CABLES2: variants seen among roughly 807,000 people sequenced by gnomAD.
CABLES2 encodes the protein Cdk5 and Abl enzyme substrate 2.
CABLES2 carries 35 observed loss-of-function variants against 44.8 expected under a neutral mutation model. The ratio of observed to expected loss-of-function variants is 0.78; its 90% CI spans 0.60 to 1.04. The LOEUF (loss-of-function observed/expected upper bound fraction) is 1.04, where lower values mean the gene tolerates loss of function less well. CABLES2 is among the 50% of genes least tolerant of loss of function. CABLES2 has a pLI of 0.00. For missense variants in CABLES2, 566 were observed against 615.7 expected (o/e 0.92, Z 0.85); for synonymous variants, 282 against 281.1 (o/e 1.00, Z -0.03).
chr20:62,406,810 G>T, intron 1 of CABLES2, 105 bp downstream of exon 1: 1 of 609,836 alleles, frequency 1.6e-6, no homozygotes, highest in Non-Finnish European at 2.2e-6. Context: ...GTCCTGGGCT[G>T]ATGAGGCCCC....
rs771668338 is a variant in CABLES2, at chr20:62,393,039, C to T, written c.881-16G>A. 6.2e-7 allele frequency: 1 copy of T among 1,602,412 alleles called. No homozygotes were observed. Among genetic ancestry groups the T allele is most frequent in the Non-Finnish European group, 8.5e-7 (1 of 1,169,770 alleles). On this transcript the variant is annotated splice_polypyrimidine_tract_variant and intron_variant, in intron 6 of 9. Coordinates refer to ENST00000279101, the MANE Select transcript of CABLES2 (RefSeq NM_031215.3). The stretch of plus-strand genomic sequence containing the variant: ...ACGTCACTCCCTGTAAGAGAGGCAA[C>T]CCCTGACCCACCAGGAGTCTTGAGC...
At position 62,390,371 on chromosome 20, in the gene CABLES2, C is replaced by T. The variant is rs1422075409; in HGVS notation, c.*600G>A. 6.5e-6 allele frequency: 1 copy of T among 153,920 alleles called. No individual in the cohort carries two copies. 9.5% of individuals were successfully genotyped at this position (153,920 alleles called of 1,614,324 possible). On this transcript the variant is annotated 3_prime_UTR_variant, in exon 10 of 10. Coordinates refer to ENST00000279101, the MANE Select transcript of CABLES2 (RefSeq NM_031215.3). ...CTGGCCTAACTGGACACCAAAAGCT[C>T]CACTTGGGATGCAGTGAGGTGGGCG...
rs1380388474 is a variant in CABLES2 at position 62,390,779 on chromosome 20, T to G, written c.*192A>C. ...AATCCCCTCGGAGGGACGGTGCACT[T>G]GGGGATGAAAGCGACGTCTCTTTCC... On this transcript the variant is annotated 3_prime_UTR_variant, in exon 10 of 10. Transcript: ENST00000279101. 3.3e-6 allele frequency: 2 copies of G among 610,934 alleles called. No homozygotes were observed. The highest frequency in any genetic ancestry group is 5.7e-6 in the Non-Finnish European group (2 of 349,026). 37.8% of individuals were successfully genotyped at this position (610,934 alleles called of 1,614,324 possible).
At chr20:62,405,355 G>C (rs556908021) in intron 1 of CABLES2, 4 of 152,492 alleles carry the variant, frequency 2.6e-5, no homozygotes, top group African/African-American at 9.6e-5. Flanking sequence ...GAAGGAGCTG[G>C]CCATGCCAAA....
Position 62,396,995 on chromosome 20 carries a change from C to T in CABLES2, c.363-403G>A, listed in dbSNP as rs1291817392. Among the ~76,000 whole-genome samples, 1 of 152,148 alleles carries T rather than the reference C, an allele frequency of 6.6e-6. No individual in the cohort carries two copies. Among genetic ancestry groups the T allele is most frequent in the Non-Finnish European group, 1.5e-5 (1 of 68,022 alleles). The stretch of plus-strand genomic sequence containing the variant: ...TGCCTGAGACTGGTGCTGCCTGCCC[C>T]TCCCTGAAGCACAGCTGGGCATTGG... On this transcript the variant is annotated intron_variant, in intron 1 of 9. Transcript: ENST00000279101. This position sits in a 1 kb window ranked among gnomAD's most constrained non-coding sequence, Gnocchi z 5.7.
chr20:62,398,033 AGTGATGGTGATGGTG>A (rs1284691451), intron 1 of CABLES2, among the ~76,000 whole-genome samples: 4 of 53,014 alleles, frequency 7.5e-5, no homozygotes, highest in African/African-American at 2.9e-4. Context: ...TGGTGGTGAC[AGTGATGGTGATGGTG>A]GTGATGGCGA....
Position 62,394,192 on chromosome 20 carries a change from C to CAA in CABLES2, c.677_678dup (p.Glu227LeufsTer3). On this transcript the variant is annotated frameshift_variant, in exon 5 of 10. Transcript: ENST00000279101. LOFTEE classifies it high-confidence loss of function. Reference sequence around the variant, plus strand: ...GCTCCTAGCTCCACACCTTCTAGCTCAAAGACCATCTCGGAAGACACAGAG... The same window carrying CAA: ...GCTCCTAGCTCCACACCTTCTAGCTCAAAAAGACCATCTCGGAAGACACAGAG... 6.2e-7 allele frequency: 1 copy of CAA among 1,613,642 alleles called. No individual in the cohort carries two copies. Among genetic ancestry groups the CAA allele is most frequent in the Non-Finnish European group, 8.5e-7 (1 of 1,180,018 alleles).
chr20:62,395,407 C>G (rs1351310431), intron 3 of CABLES2, among the ~76,000 whole-genome samples: 1 of 152,246 alleles, frequency 6.6e-6, no homozygotes, highest in African/African-American at 2.4e-5. Context: ...AGGCCAAGGG[C>G]TGCCTCGAGC....
chr20:62,400,148 G>A (rs935313457), intron 1 of CABLES2, among the ~76,000 whole-genome samples: 3 of 152,356 alleles, frequency 2.0e-5, no homozygotes, highest in Admixed American at 2.0e-4. Context: ...CCAGCTGGAG[G>A]TGGGGGCAGG....
chr20:62,399,878 G>C (rs1018578071), intron 1 of CABLES2, among the ~76,000 whole-genome samples: 2 of 152,200 alleles, frequency 1.3e-5, no homozygotes, highest in Non-Finnish European at 2.9e-5. Context: ...ACAGGCGTGA[G>C]CCACCATATT....
rs1461842096 is a variant in CABLES2, at chr20:62,390,701, C to G, written c.*270G>C. On this transcript the variant is annotated 3_prime_UTR_variant, in exon 10 of 10. Transcript: ENST00000279101. ...TGGTCTCAGGCACGTGAAAAAAATA[C>G]CAGTAACAAACCTCACATTTAGTTT... 4.2e-6 allele frequency: 2 copies of G among 478,736 alleles called. No individual in the cohort carries two copies. The highest frequency in any genetic ancestry group is 7.6e-6 in the Non-Finnish European group (2 of 263,826). The allele number at this position is 478,736 out of a possible 1,614,324, so 29.7% of individuals were successfully genotyped here. A position where few individuals can be genotyped will look rare whatever the true frequency, so the allele number is the denominator to read the frequency against.
intron 1 of CABLES2, among the ~76,000 whole-genome samples, chr20:62,399,592 CCT>C (rs1491568632): frequency 1.0e-5 from 1 of 96,106 alleles, no homozygotes; most frequent in African/African-American, 3.6e-5. Flanking sequence ...GGGGTCAGGT[CCT>C]TTTTTTTTTT....
chr20:62,398,222 G>GTGGTGA (rs2146425273), intron 1 of CABLES2, among the ~76,000 whole-genome samples: 2 of 144,442 alleles, frequency 1.4e-5, no homozygotes, highest in South Asian at 4.4e-4. Context: ...TGTGATGGTG[G>GTGGTGA]TGGTGGTGAC....
chr20:62,396,464 GGGGTCAGT>G lies in CABLES2; in HGVS notation c.434+49_434+56del. 2 of 1,612,910 alleles carry G rather than the reference GGGGTCAGT, an allele frequency of 1.2e-6. No homozygotes were observed. Among genetic ancestry groups the G allele is most frequent in the Non-Finnish European group, 1.7e-6 (2 of 1,178,998 alleles). ...CCTCCCAGGACCCTCTGGCCCCGCAGGGGTCAGTGGCAGCCCGAGCGGAGTCGTAGAGC... is the reference window on the plus strand; with the variant it reads ...CCTCCCAGGACCCTCTGGCCCCGCAGGGCAGCCCGAGCGGAGTCGTAGAGC... On this transcript the variant is annotated intron_variant, in intron 2 of 9. Coordinates refer to ENST00000279101, the MANE Select transcript of CABLES2 (RefSeq NM_031215.3). This position sits in a 1 kb window ranked among gnomAD's most constrained non-coding sequence, Gnocchi z 5.7.
Position 62,390,876 on chromosome 20 carries a change from G to C in CABLES2, c.*95C>G. 2.0e-6 allele frequency: 3 copies of C among 1,475,864 alleles called. No homozygotes were observed. The highest frequency in any genetic ancestry group is 1.8e-5 in the Admixed American group (1 of 56,110). The allele number at this position is 1,475,864 out of a possible 1,614,324, so 91.4% of individuals were successfully genotyped here. A position where few individuals can be genotyped will look rare whatever the true frequency, so the allele number is the denominator to read the frequency against. On this transcript the variant is annotated 3_prime_UTR_variant, in exon 10 of 10. Coordinates refer to ENST00000279101, the MANE Select transcript of CABLES2 (RefSeq NM_031215.3). ...CAGGTGCCTCCTGCTAGCAGGTGCT[G>C]GGGGTGCTGGCAGGAGGAGGCGCGG...
intron 1 of CABLES2, among the ~76,000 whole-genome samples, chr20:62,398,106 ATGGTGG>A (rs1169956607): frequency 4.1e-4 from 20 of 48,824 alleles, no homozygotes; most frequent in East Asian, 1.1e-3. Context: ...GGTGGTGGTG[ATGGTGG>A]TGGTGGTGGT....
At chr20:62,399,216 CTGGGATTACAGGCG>C (rs1216572490) in intron 1 of CABLES2, among the ~76,000 whole-genome samples, 1 of 146,896 alleles carries the variant, frequency 6.8e-6, no homozygotes, top group African/African-American at 2.5e-5. Context: ...TCCCAAAGGG[CTGGGATTACAGGCG>C]TGAGCCACCA....
chr20:62,395,054 C>T lies in CABLES2; in HGVS notation c.528-40G>A, dbSNP rs200844164. On this transcript the variant is annotated intron_variant, in intron 3 of 9. Transcript: ENST00000279101. ...AGTCAGGGGAGACGGGGCCGGGGAG[C>T]GGGGCTCAAGGTACTGCTGCTTCCA... 6.5e-4 allele frequency: 986 copies of T among 1,520,102 alleles called. 2 individuals are homozygous for T. The highest frequency in any genetic ancestry group is 1.0e-3 in the Middle Eastern group (6 of 5,864). 94.2% of individuals were successfully genotyped at this position (1,520,102 alleles called of 1,614,324 possible). A position where few individuals can be genotyped will look rare whatever the true frequency, so the allele number is the denominator to read the frequency against.
rs921725915 is a variant in CABLES2, at chr20:62,394,576, G to A, written c.606-311C>T. ...CAGGTTTCTCCACCACTGTTTTTAA[G>A]CCAGGGCCACACATAATCCCCACCC... On this transcript the variant is annotated intron_variant, in intron 4 of 9. Coordinates refer to ENST00000279101, the MANE Select transcript of CABLES2 (RefSeq NM_031215.3). Among the ~76,000 whole-genome samples, 29 of 152,094 alleles carry A rather than the reference G, an allele frequency of 1.9e-4. 1 individual carries two copies. Among genetic ancestry groups the A allele is most frequent in the Non-Finnish European group, 3.4e-4 (23 of 68,008 alleles).
Sources: allele counts gnomAD v4.1 joint callset (sites outside exome capture counted in the v4.1 genomes callset), GRCh38; gene constraint gnomAD v4.1.1; non-coding constraint Gnocchi (gnomAD v3.1); transcripts MANE v1.5; gene names NCBI Gene and HGNC (gene_info 2026-07-23, HGNC 2026-07-21).